Variants in RFX7 observed in about 807,000 individuals in gnomAD.
RFX7 encodes the protein DNA-binding protein RFX7.
Under a neutral mutation model 111.8 loss-of-function variants are expected in RFX7, and 26 were observed. The observed-to-expected ratio is 0.23, with a 90% CI of 0.17 to 0.32. The LOEUF (loss-of-function observed/expected upper bound fraction) is 0.32, where lower values mean the gene tolerates loss of function less well. Among genes scored for constraint, RFX7 ranks in the 10% least tolerant of loss-of-function variants. The pLI, the probability that RFX7 is intolerant of heterozygous loss-of-function variation, is 1.00. For synonymous variants in RFX7, 624 were observed against 624.4 expected (o/e 1.00, Z 0.01); for missense variants, 1,573 against 1,772.9 (o/e 0.89, Z 2.02).
At chr15:56,206,019 G>A (rs1482987075) in intron 2 of RFX7, among the ~76,000 whole-genome samples, 9 of 152,250 alleles carry the variant, frequency 5.9e-5, no homozygotes, top group South Asian at 2.1e-4. Flanking sequence ...AGCTGTTATG[G>A]AAAACAGTAT....
chr15:56,177,960 A>C (rs964668770), intron 3 of RFX7, among the ~76,000 whole-genome samples: 8 of 152,040 alleles, frequency 5.3e-5, no homozygotes, highest in African/African-American at 1.9e-4. Flanking sequence ...TAACAGACTA[A>C]ATTTCTTAAG....
chr15:56,115,693 C>G (rs755926875), intron 5 of RFX7, among the ~76,000 whole-genome samples: 3 of 152,086 alleles, frequency 2.0e-5, no homozygotes, highest in Non-Finnish European at 4.4e-5. Context: ...AATCCCAGCA[C>G]TTTGGGAGGC....
chr15:56,195,193 A>T (rs575255764), intron 2 of RFX7, among the ~76,000 whole-genome samples: 1 of 152,256 alleles, frequency 6.6e-6, no homozygotes, highest in African/African-American at 2.4e-5. Context: ...CTGTATACAA[A>T]ATCTCCAGAA....
chr15:56,224,724 T>C (rs2043463891), intron 2 of RFX7, among the ~76,000 whole-genome samples: 2 of 152,156 alleles, frequency 1.3e-5, no homozygotes, highest in Non-Finnish European at 2.9e-5. Flanking sequence ...TAGTAACTTC[T>C]ATTTTCACTT....
At chr15:56,132,898 C>G (rs900479252) in intron 5 of RFX7, among the ~76,000 whole-genome samples, 5 of 152,096 alleles carry the variant, frequency 3.3e-5, no homozygotes, top group Non-Finnish European at 7.4e-5. Flanking sequence ...AGGATGTTCA[C>G]TGCAGTGCTA....
chr15:56,189,905 T>A (rs139170039), intron 2 of RFX7: 1 of 152,358 alleles, frequency 6.6e-6, no homozygotes, highest in Non-Finnish European at 1.5e-5. Context: ...AGAATGTTCA[T>A]AGCATCTTTA....
At chr15:56,236,753 A>G (rs1212860645) in intron 2 of RFX7, among the ~76,000 whole-genome samples, 1 of 152,202 alleles carries the variant, frequency 6.6e-6, no homozygotes, top group Non-Finnish European at 1.5e-5. Context: ...TTATGGGATA[A>G]GGTTAAACAT....
chr15:56,093,936 T>A lies in RFX7; in HGVS notation c.3792A>T (p.Ala1264=). The A allele has an allele frequency of 9.9e-6, 16 of 1,614,018 alleles. No individual in the cohort carries two copies. The highest frequency in any genetic ancestry group is 1.4e-5 in the Non-Finnish European group (16 of 1,179,878). Residue 1264 remains alanine, a synonymous_variant, in exon 10 of 10, where the codon GCA becomes GCT. Coordinates refer to ENST00000559447, the MANE Select transcript of RFX7 (RefSeq NM_022841.7). ...LSKLDSDNDD[A]VRGLGMNNLP... ...GGTTGTTCATTCCCAAACCTCTCACTGCATCATCATTGTCGGAATCAAGTT... is the reference window on the plus strand; with the variant it reads ...GGTTGTTCATTCCCAAACCTCTCACAGCATCATCATTGTCGGAATCAAGTT...
At chr15:56,151,388 G>T (rs895533964) in intron 3 of RFX7, among the ~76,000 whole-genome samples, 10 of 152,330 alleles carry the variant, frequency 6.6e-5, no homozygotes, top group Admixed American at 2.0e-4. Flanking sequence ...AGCCAGAAGA[G>T]AGTGGGAGCC....
chr15:56,108,966 C>G (rs2041867893), intron 5 of RFX7, among the ~76,000 whole-genome samples: 1 of 152,186 alleles, frequency 6.6e-6, no homozygotes, highest in African/African-American at 2.4e-5. Context: ...AATAAAATAC[C>G]TAGCAATACA....
intron 4 of RFX7, among the ~76,000 whole-genome samples, chr15:56,143,964 C>T (rs1015282825): frequency 6.6e-6 from 1 of 152,128 alleles, no homozygotes; most frequent in Non-Finnish European, 1.5e-5. Flanking sequence ...ACACACCTTA[C>T]ATTTATGAAT....
chr15:56,093,686 T>C lies in RFX7; in HGVS notation c.4042A>G (p.Ser1348Gly), dbSNP rs780725771. The C allele has an allele frequency of 6.8e-6, 11 of 1,613,916 alleles. No homozygotes were observed. The East Asian group carries it at 1.8e-4, about 26-fold the overall frequency. ...EIGEQQLDFN[S>G]TVKDLLSGDS... ...CCACTCAACAGGTCTTTAACAGTGC[T>C]ATTGAAATCTAATTGTTGCTCTCCA... is the stretch of plus-strand genomic sequence containing the variant. The change falls in exon 10 of 10, where the codon AGC (serine) becomes GGC (glycine). Residue 1348 changes from serine (S) to glycine (G), a missense_variant. Ser to Gly is a moderately conservative substitution (Grantham distance 56, BLOSUM62 0). Coordinates refer to ENST00000559447, the MANE Select transcript of RFX7 (RefSeq NM_022841.7).
At chr15:56,163,626 A>G (rs1186366772) in intron 3 of RFX7, among the ~76,000 whole-genome samples, 3 of 152,174 alleles carry the variant, frequency 2.0e-5, no homozygotes, top group Non-Finnish European at 4.4e-5. Flanking sequence ...GGTATGTTAA[A>G]CCACAATTTA....
rs149536867 is a variant in RFX7 at position 56,203,617 on chromosome 15, T to C, written c.162-24314A>G. Among the ~76,000 whole-genome samples, 1,394 of 152,170 alleles carry C rather than the reference T, an allele frequency of 9.2e-3. 8 individuals carry two copies. The highest frequency in any genetic ancestry group is 0.017 in the Middle Eastern group (5 of 294). On this transcript the variant is annotated intron_variant, in intron 2 of 9. Transcript: ENST00000559447. Reference sequence around the variant, plus strand: ...CACAAGATACAGGTCATAAAGACCTTGCTGATAAAACAGTGTGCAGTAAAG... The same window carrying C: ...CACAAGATACAGGTCATAAAGACCTCGCTGATAAAACAGTGTGCAGTAAAG...
chr15:56,119,739 T>C (rs1595940374), intron 5 of RFX7, among the ~76,000 whole-genome samples: 3 of 147,910 alleles, frequency 2.0e-5, no homozygotes, highest in African/African-American at 7.6e-5. Flanking sequence ...ATCGCGCCAT[T>C]GGACTCCAGC....
At chr15:56,218,220 T>C (rs1305651525) in intron 2 of RFX7, among the ~76,000 whole-genome samples, 1 of 142,966 alleles carries the variant, frequency 7.0e-6, no homozygotes, top group Non-Finnish European at 1.5e-5. Flanking sequence ...AATGGCGCGT[T>C]CTCGGCTCAC....
chr15:56,234,230 T>G (rs1215641430), intron 2 of RFX7, among the ~76,000 whole-genome samples: 2 of 152,240 alleles, frequency 1.3e-5, no homozygotes, highest in Non-Finnish European at 2.9e-5. Flanking sequence ...ACTCAATTGA[T>G]GAGTCTCCCA....
intron 2 of RFX7, among the ~76,000 whole-genome samples, chr15:56,189,071 G>A (rs985315547): frequency 2.0e-5 from 3 of 152,018 alleles, no homozygotes; most frequent in African/African-American, 4.8e-5. Flanking sequence ...CGCCCATCTC[G>A]GCCTCCCAAA....
At chr15:56,187,872 A>C (rs1181083735) in intron 2 of RFX7, among the ~76,000 whole-genome samples, 2 of 152,190 alleles carry the variant, frequency 1.3e-5, no homozygotes, top group Non-Finnish European at 2.9e-5. Context: ...AACAGAATCC[A>C]AAGTCTATAA....
Sources: gnomAD v4.1 joint callset for allele counts (sites outside exome capture counted in the v4.1 genomes callset) on GRCh38, gnomAD v4.1.1 for gene constraint, MANE v1.5 for transcripts, NCBI Gene and HGNC (gene_info 2026-07-23, HGNC 2026-07-21) for gene names.